Variants in CPNE4 observed in about 807,000 individuals in gnomAD.
CPNE4 encodes the protein copine 4.
CPNE4 carries 25 observed loss-of-function variants against 67.9 expected under a neutral mutation model. The observed-to-expected ratio is 0.37, with a 90% CI of 0.27 to 0.51. The LOEUF is 0.51. Among genes scored for constraint, CPNE4 ranks in the 20% least tolerant of loss-of-function variants. CPNE4 has a pLI of 0.93. For synonymous variants in CPNE4, 242 were observed against 244.9 expected (o/e 0.99, Z 0.11); for missense variants, 464 against 690.8 (o/e 0.67, Z 3.68).
At chr3:131,982,921 A>G (rs2072945129) in intron 1 of CPNE4, among the ~76,000 whole-genome samples, 4 of 152,078 alleles carry the variant, frequency 2.6e-5, no homozygotes, top group African/African-American at 9.7e-5. Context: ...TTATGCTTCT[A>G]TTAAAGTGAT....
intron 2 of CPNE4, among the ~76,000 whole-genome samples, chr3:131,866,573 G>A (rs2086960374): frequency 6.6e-6 from 1 of 152,202 alleles, no homozygotes; most frequent in Non-Finnish European, 1.5e-5. Context: ...ATTCAAGGGA[G>A]GCTGAAAACT....
intron 2 of CPNE4, among the ~76,000 whole-genome samples, chr3:131,878,625 A>G (rs1281591256): frequency 6.6e-6 from 1 of 152,254 alleles, no homozygotes; most frequent in East Asian, 1.9e-4. Flanking sequence ...ATTAATCTGA[A>G]AAATTTATCA....
At chr3:131,933,741 G>A (rs938619587) in intron 1 of CPNE4, among the ~76,000 whole-genome samples, 5 of 150,494 alleles carry the variant, frequency 3.3e-5, no homozygotes, top group Admixed American at 6.6e-5. Flanking sequence ...CAATATTAAT[G>A]AACCTGGAGG....
intron 1 of CPNE4, among the ~76,000 whole-genome samples, chr3:131,981,743 A>G (rs985148447): frequency 6.6e-6 from 1 of 152,138 alleles, no homozygotes; most frequent in African/African-American, 2.4e-5. Context: ...GAGACCCAGC[A>G]AGCTCCCAGG....
At chr3:131,574,403 G>T (rs114178103) in intron 10 of CPNE4, among the ~76,000 whole-genome samples, 1,908 of 152,112 alleles carry the variant, frequency 0.013, 49 homozygotes, top group African/African-American at 0.043. Flanking sequence ...TTACAACCTT[G>T]ACCTACCTAG....
At chr3:131,536,845 C>A (rs753075799) in intron 15 of CPNE4, among the ~76,000 whole-genome samples, 4 of 152,192 alleles carry the variant, frequency 2.6e-5, no homozygotes, top group Non-Finnish European at 5.9e-5. Flanking sequence ...GTCATTTATA[C>A]CCTTTCCTCC....
intron 3 of CPNE4, among the ~76,000 whole-genome samples, chr3:131,720,054 T>A (rs1231829118): frequency 1.3e-5 from 2 of 152,144 alleles, no homozygotes; most frequent in Non-Finnish European, 2.9e-5. Flanking sequence ...AGTCAACAGC[T>A]ACAAGAGTGG....
chr3:131,768,751 T>G (rs1031865445), intron 2 of CPNE4, among the ~76,000 whole-genome samples: 13 of 152,092 alleles, frequency 8.5e-5, no homozygotes, highest in African/African-American at 3.1e-4. Flanking sequence ...AATGCCACAC[T>G]TCCCTGCCAT....
Position 131,646,093 on chromosome 3 carries a change from A to G in CPNE4, c.681+23582T>C, listed in dbSNP as rs138247075. Among the ~76,000 whole-genome samples the G allele has an allele frequency of 7.3e-4, 111 of 152,346 alleles. 1 individual carries two copies. The highest frequency in any genetic ancestry group is 2.5e-3 in the African/African-American group (106 of 41,586). On this transcript the variant is annotated intron_variant, in intron 7 of 15. Coordinates refer to ENST00000429747, the MANE Select transcript of CPNE4 (RefSeq NM_130808.3). ...AACTGCTGAAAAAAAGTGACAAACT[A>G]TACACAAACAGAAGGAAAATAATAG...
intron 5 of CPNE4, among the ~76,000 whole-genome samples, chr3:131,687,478 A>G (rs1412758830): frequency 6.6e-6 from 1 of 152,222 alleles, no homozygotes; most frequent in Non-Finnish European, 1.5e-5. Context: ...TCACATTTTT[A>G]TTACGAATTT....
chr3:131,951,002 T>C (rs572989078), intron 1 of CPNE4, among the ~76,000 whole-genome samples: 2 of 152,340 alleles, frequency 1.3e-5, no homozygotes, highest in African/African-American at 4.8e-5. Context: ...GTTTGTTGAC[T>C]GGTTTGTCTT....
chr3:131,660,367 T>G (rs570993173), intron 7 of CPNE4, among the ~76,000 whole-genome samples: 1 of 152,108 alleles, frequency 6.6e-6, no homozygotes, highest in East Asian at 1.9e-4. Context: ...ATCATAGGCT[T>G]GACACATGAA....
At chr3:132,037,424 C>A (rs1560827221), upstream of CPNE4, 7 of 693,518 alleles carry the variant, frequency 1.0e-5, no homozygotes, top group Non-Finnish European at 1.8e-5. Flanking sequence ...ATCAACAGCT[C>A]ATCTGTACAA....
chr3:131,651,966 C>T (rs1465115386), intron 7 of CPNE4, among the ~76,000 whole-genome samples: 2 of 152,138 alleles, frequency 1.3e-5, no homozygotes, highest in African/African-American at 4.8e-5. Flanking sequence ...ATCCCAACAC[C>T]GGTGTACCCA....
intron 7 of CPNE4, among the ~76,000 whole-genome samples, chr3:131,642,458 T>G (rs564361819): frequency 1.3e-5 from 2 of 152,346 alleles, no homozygotes; most frequent in South Asian, 4.1e-4. Context: ...TATCTTACCT[T>G]GTCTTCCAGG....
chr3:132,021,119 A>G (rs2107689230), intron 1 of CPNE4, among the ~76,000 whole-genome samples: 1 of 152,354 alleles, frequency 6.6e-6, no homozygotes, highest in African/African-American at 2.4e-5. Flanking sequence ...ACTGGGATGC[A>G]GAGAATCAAA....
chr3:131,902,489 A>G (rs1049587960), intron 2 of CPNE4, among the ~76,000 whole-genome samples: 1 of 152,140 alleles, frequency 6.6e-6, no homozygotes, highest in African/African-American at 2.4e-5. Flanking sequence ...GTATTACTTA[A>G]AATAGGGTAT....
chr3:131,550,685 G>C (rs1381107568), intron 13 of CPNE4, among the ~76,000 whole-genome samples: 1 of 152,116 alleles, frequency 6.6e-6, no homozygotes, highest in African/African-American at 2.4e-5. Context: ...CAAAGAGCTT[G>C]AGGCAGTATC....
At chr3:131,963,935 A>G (rs149010877) in intron 1 of CPNE4, among the ~76,000 whole-genome samples, 25 of 152,264 alleles carry the variant, frequency 1.6e-4, no homozygotes, top group Non-Finnish European at 2.8e-4. Flanking sequence ...ACTAGGAGAT[A>G]TCTCCTAGCA....
Sources: gnomAD v4.1 joint callset for allele counts (sites outside exome capture counted in the v4.1 genomes callset) on GRCh38, gnomAD v4.1.1 for gene constraint, MANE v1.5 for transcripts, NCBI Gene and HGNC (gene_info 2026-07-23, HGNC 2026-07-21) for gene names.